The following IQCH variants were observed in gnomAD, a reference collection of about 807,000 sequenced individuals.
IQCH encodes the protein IQ motif containing H, also known as IQ domain-containing protein H.
A neutral mutation model predicts 117.0 loss-of-function variants in IQCH; 98 were observed. The observed-to-expected ratio is 0.84, with a 90% CI of 0.71 to 0.99. The LOEUF is 0.99. Among genes scored for constraint, IQCH ranks in the 50% least tolerant of loss-of-function variants. IQCH has a pLI of 0.00. For synonymous variants in IQCH, 412 were observed against 448.2 expected (o/e 0.92, Z 1.02); for missense variants, 1,102 against 1,243.8 (o/e 0.89, Z 1.72).
intron 13 of IQCH, among the ~76,000 whole-genome samples, chr15:67,397,542 A>G (rs186611631): frequency 6.6e-6 from 1 of 152,248 alleles, no homozygotes; most frequent in Non-Finnish European, 1.5e-5. Flanking sequence ...TACCCTATCT[A>G]TTCTATCTGA....
chr15:67,427,745 C>A lies in IQCH; in HGVS notation c.2505+6168C>A, dbSNP rs1361949773. Among the ~76,000 whole-genome samples, 1 of 151,784 alleles carries A rather than the reference C, an allele frequency of 6.6e-6. No homozygotes were observed. The highest frequency in any genetic ancestry group is 1.5e-5 in the Non-Finnish European group (1 of 67,966). ...AAAAAAATTATCACCAGGAAATAATCACAAAGATTTAAATACACATATATT... is the reference window on the plus strand; with the variant it reads ...AAAAAAATTATCACCAGGAAATAATAACAAAGATTTAAATACACATATATT... On this transcript the variant is annotated intron_variant, in intron 16 of 20. Coordinates refer to ENST00000335894, the MANE Select transcript of IQCH (RefSeq NM_001031715.3). The surrounding 1 kb of genome is among the most constrained non-coding windows in gnomAD (Gnocchi z 4.7).
chr15:67,310,558 A>G (rs1297483070), intron 4 of IQCH, among the ~76,000 whole-genome samples: 2 of 152,154 alleles, frequency 1.3e-5, no homozygotes, highest in Non-Finnish European at 2.9e-5. Context: ...GCTACTATCA[A>G]TTAAAAGCCA....
chr15:67,470,272 G>A (rs772349791), intron 17 of IQCH, among the ~76,000 whole-genome samples: 2 of 152,168 alleles, frequency 1.3e-5, no homozygotes, highest in Non-Finnish European at 2.9e-5. Context: ...ACAGGTTCAC[G>A]CCCAGGTTCA....
rs1186303487 is a variant in IQCH, at chr15:67,458,771, TG to T, written c.2506-6352del. ...TCCAATGCTGGATTTTCTGTCGAAC[TG>T]GGGCTGTGAATGCTGTGAACATGGG... is the stretch of plus-strand genomic sequence containing the variant. On this transcript the variant is annotated intron_variant, in intron 16 of 20. Coordinates refer to ENST00000335894, the MANE Select transcript of IQCH (RefSeq NM_001031715.3). The surrounding 1 kb of genome is among the most constrained non-coding windows in gnomAD (Gnocchi z 4.1). Among the ~76,000 whole-genome samples, 1 of 152,218 alleles carries T rather than the reference TG, an allele frequency of 6.6e-6. No homozygotes were observed. The highest frequency in any genetic ancestry group is 1.5e-5 in the Non-Finnish European group (1 of 68,034).
intron 4 of IQCH, among the ~76,000 whole-genome samples, chr15:67,283,717 G>A (rs759349217): frequency 4.6e-5 from 7 of 151,850 alleles, no homozygotes; most frequent in Non-Finnish European, 8.8e-5. Context: ...AAAAGTAATG[G>A]ATTTTACTTC....
intron 4 of IQCH, among the ~76,000 whole-genome samples, chr15:67,327,097 G>A (rs542021678): frequency 1.9e-4 from 29 of 152,184 alleles, no homozygotes; most frequent in African/African-American, 6.3e-4. Flanking sequence ...ATGGAGGCTC[G>A]CTGTAGGAAA....
At chr15:67,455,864 T>C (rs2082646494) in intron 16 of IQCH, among the ~76,000 whole-genome samples, 1 of 152,244 alleles carries the variant, frequency 6.6e-6, no homozygotes, top group South Asian at 2.1e-4. Flanking sequence ...AAGGCGCATA[T>C]ACAATTACTA....
chr15:67,363,953 C>T (rs1970241842), intron 8 of IQCH, among the ~76,000 whole-genome samples: 1 of 152,144 alleles, frequency 6.6e-6, no homozygotes, highest in South Asian at 2.1e-4. Context: ...ATCCAGTCTA[C>T]TATTGATGGT....
chr15:67,321,355 C>A (rs1047995768), intron 4 of IQCH, among the ~76,000 whole-genome samples: 2 of 152,172 alleles, frequency 1.3e-5, no homozygotes, highest in Non-Finnish European at 2.9e-5. Flanking sequence ...GCTGCTAGAA[C>A]TACCCTTTTA....
At chr15:67,287,883 A>T (rs1383876975) in intron 4 of IQCH, among the ~76,000 whole-genome samples, 1 of 151,986 alleles carries the variant, frequency 6.6e-6, no homozygotes, top group Admixed American at 6.6e-5. Context: ...ATAGCTAGCT[A>T]TAAACTTCCC....
intron 13 of IQCH, among the ~76,000 whole-genome samples, chr15:67,397,490 C>T (rs1971509070): frequency 6.6e-6 from 1 of 152,168 alleles, no homozygotes; most frequent in African/African-American, 2.4e-5. Flanking sequence ...CTGAGGTCAT[C>T]AAGAATTAAA....
intron 3 of IQCH, among the ~76,000 whole-genome samples, chr15:67,267,514 A>G (rs1311476145): frequency 2.6e-5 from 4 of 152,184 alleles, no homozygotes; most frequent in East Asian, 1.9e-4. Context: ...TGGAAATTCT[A>G]CTACCCGGTT....
At chr15:67,267,770 T>C (rs2140445733) in intron 3 of IQCH, among the ~76,000 whole-genome samples, 1 of 152,330 alleles carries the variant, frequency 6.6e-6, no homozygotes, top group African/African-American at 2.4e-5. Context: ...TGTTTAGATA[T>C]GGGGCTTCAC....
intron 4 of IQCH, among the ~76,000 whole-genome samples, chr15:67,314,400 A>C (rs1967746925): frequency 6.6e-6 from 1 of 151,776 alleles, no homozygotes; most frequent in African/African-American, 2.4e-5. Context: ...AATAATGCAC[A>C]GAAATGCCCA....
At chr15:67,314,637 G>A (rs1967762527) in intron 4 of IQCH, among the ~76,000 whole-genome samples, 1 of 152,076 alleles carries the variant, frequency 6.6e-6, no homozygotes, top group Admixed American at 6.6e-5. Flanking sequence ...TATTGGGTCA[G>A]GCAGATAATA....
Position 67,359,845 on chromosome 15 carries a change from A to AG in IQCH, c.717dup, listed in dbSNP as rs776598626. Reference sequence around the variant, plus strand: ...TAAACTGTGTCTCATTCTTCATTGTAGGGGAAAAGCAGAAGGTCAAGAGGA... The same window carrying AG: ...TAAACTGTGTCTCATTCTTCATTGTAGGGGGAAAAGCAGAAGGTCAAGAGGA... On this transcript the variant is annotated splice_acceptor_variant, in intron 7 of 20. Coordinates refer to ENST00000335894, the MANE Select transcript of IQCH (RefSeq NM_001031715.3). LOFTEE classifies it high-confidence loss of function. This position sits in a 1 kb window ranked among gnomAD's most constrained non-coding sequence, Gnocchi z 4.5. 6 of 1,524,384 alleles carry AG rather than the reference A, an allele frequency of 3.9e-6. No homozygotes were observed. Among genetic ancestry groups the AG allele is most frequent in the Non-Finnish European group, 5.4e-6 (6 of 1,110,586 alleles). 94.4% of individuals were successfully genotyped at this position (1,524,384 alleles called of 1,614,324 possible).
intron 2 of IQCH, 104 bp downstream of exon 2, chr15:67,261,498 C>T: frequency 1.0e-6 from 1 of 958,818 alleles, no homozygotes; most frequent in South Asian, 1.7e-5. Flanking sequence ...TGTAACAAAG[C>T]TGAATTTAGG....
At chr15:67,375,862 G>T (rs1046648679) in intron 10 of IQCH, among the ~76,000 whole-genome samples, 1 of 145,582 alleles carries the variant, frequency 6.9e-6, no homozygotes, top group African/African-American at 2.6e-5. Context: ...TCTCGGCTCA[G>T]TGCATTCTCC....
chr15:67,297,743 C>T (rs1161096366), intron 4 of IQCH, among the ~76,000 whole-genome samples: 9 of 152,096 alleles, frequency 5.9e-5, no homozygotes, highest in African/African-American at 2.2e-4. Context: ...TTTCATTTTA[C>T]CTAAACAGTT....
Sources: allele counts gnomAD v4.1 joint callset (sites outside exome capture counted in the v4.1 genomes callset), GRCh38; gene constraint gnomAD v4.1.1; non-coding constraint Gnocchi (gnomAD v3.1); transcripts MANE v1.5; gene names NCBI Gene and HGNC (gene_info 2026-07-23, HGNC 2026-07-21).